Variants in AMZ2 observed in about 807,000 individuals in gnomAD.
The protein encoded by AMZ2 is archaelysin family metallopeptidase 2, also known as archaemetzincin-2.
In AMZ2, 26 loss-of-function variants were observed where a neutral mutation model predicts 36.7. That is an observed-to-expected ratio of 0.71 (90% CI 0.52 to 0.98). The LOEUF is 0.98. AMZ2 is among the 50% of genes least tolerant of loss of function. The probability of loss-of-function intolerance (pLI) is 0.00; values close to 1 mark genes in which losing one functional copy is unlikely to be tolerated. For synonymous variants in AMZ2, 144 were observed against 149.1 expected, an observed-to-expected ratio of 0.97 and a Z score of 0.25; for missense variants, 394 against 430.5, an observed-to-expected ratio of 0.92 and a Z score of 0.75.
intron 1 of AMZ2, among the ~76,000 whole-genome samples, chr17:68,208,763 CCACGAACCAACCAGGAG>C (rs1340348141): frequency 6.6e-6 from 1 of 152,174 alleles, no homozygotes; most frequent in African/African-American, 2.4e-5. Context: ...GCCAGCGAGA[CCACGAACCAACCAGGAG>C]GAACAAACAA....
intron 1 of AMZ2, among the ~76,000 whole-genome samples, chr17:68,209,221 T>G (rs1555725137): frequency 6.7e-6 from 1 of 150,212 alleles, no homozygotes. Context: ...TTTGATGGAG[T>G]CTTGCTCTGT....
At chr17:68,225,248 C>T (rs1198026842) in intron 1 of AMZ2, among the ~76,000 whole-genome samples, 6 of 152,050 alleles carry the variant, frequency 3.9e-5, no homozygotes, top group African/African-American at 1.5e-4. Flanking sequence ...TGTAGCATCA[C>T]CTTTGCCACC....
intron 1 of AMZ2, chr17:68,206,594 C>G (rs1414030826): frequency 2.0e-5 from 3 of 152,580 alleles, no homozygotes; most frequent in Non-Finnish European, 4.4e-5. Flanking sequence ...TTTCTTTCCC[C>G]TTGTTTTGGT....
At chr17:68,247,578 AAAG>A (rs782609861), upstream of AMZ2, 62 of 955,402 alleles carry the variant, frequency 6.5e-5, no homozygotes, top group Non-Finnish European at 7.6e-5. Context: ...CCCAACAAAT[AAAG>A]AAGGGAAAGT....
In AMZ2 at chr17:68,255,788, A is replaced by C; in HGVS notation, c.839A>C (p.Glu280Ala). 6.2e-7 allele frequency: 1 copy of C among 1,614,226 alleles called. No homozygotes were observed. The highest frequency in any genetic ancestry group is 8.5e-7 in the Non-Finnish European group (1 of 1,180,042). ...CLMQGSNHLE[E>A]ADRRPLNLCP... The stretch of plus-strand genomic sequence containing the variant: ...ATGCAAGGCTCCAACCACTTGGAAG[A>C]AGCTGACCGGCGCCCTCTAAACCTT... Residue 280 changes from glutamate (E) to alanine (A), a missense_variant, in exon 6 of 7, where the codon GAA becomes GCA. Coordinates refer to ENST00000359904, the MANE Select transcript of AMZ2 (RefSeq NM_016627.5).
intron 1 of AMZ2, among the ~76,000 whole-genome samples, chr17:68,238,984 T>C (rs1368836838): frequency 6.6e-6 from 1 of 152,140 alleles, no homozygotes; most frequent in Non-Finnish European, 1.5e-5. Flanking sequence ...CAAAAGATCA[T>C]TTGTAAGTTG....
chr17:68,223,190 A>G (rs1178552686), intron 1 of AMZ2, among the ~76,000 whole-genome samples: 4 of 152,222 alleles, frequency 2.6e-5, no homozygotes, highest in African/African-American at 7.2e-5. Flanking sequence ...ACTTTCCATC[A>G]TAAAAAGTCA....
chr17:68,232,018 A>G (rs1249620255), intron 1 of AMZ2, among the ~76,000 whole-genome samples: 1 of 150,866 alleles, frequency 6.6e-6, no homozygotes, highest in Non-Finnish European at 1.5e-5. Flanking sequence ...ACCAATGCAT[A>G]TGGATTAGAA....
At chr17:68,211,750 ATATG>A (rs1362376822) in intron 1 of AMZ2, among the ~76,000 whole-genome samples, 3 of 146,420 alleles carry the variant, frequency 2.0e-5, no homozygotes, top group Non-Finnish European at 4.5e-5. Flanking sequence ...GTATATGTAT[ATATG>A]TATATGTATA....
At chr17:68,216,627 A>G (rs2073201159) in intron 1 of AMZ2, among the ~76,000 whole-genome samples, 1 of 152,236 alleles carries the variant, frequency 6.6e-6, no homozygotes, top group Non-Finnish European at 1.5e-5. Flanking sequence ...TTTTCAAACC[A>G]TCTTCTTGAG....
chr17:68,227,528 G>A (rs757829250), intron 1 of AMZ2, among the ~76,000 whole-genome samples: 1 of 152,190 alleles, frequency 6.6e-6, no homozygotes. Flanking sequence ...CACTGGCTGC[G>A]GGCTCCAGGG....
At chr17:68,242,160 T>C (rs1285349933) in intron 1 of AMZ2, among the ~76,000 whole-genome samples, 1 of 151,960 alleles carries the variant, frequency 6.6e-6, no homozygotes, top group African/African-American at 2.4e-5. Flanking sequence ...TCAGAGACCA[T>C]AGAAAAATAG....
chr17:68,246,044 G>A (rs1431854465), upstream of AMZ2, among the ~76,000 whole-genome samples: 12 of 151,998 alleles, frequency 7.9e-5, no homozygotes, highest in African/African-American at 2.9e-4. Context: ...GGTGGCTCAC[G>A]CCTGTAATCC....
At chr17:68,217,048 A>G (rs1469994111) in intron 1 of AMZ2, among the ~76,000 whole-genome samples, 113 of 152,146 alleles carry the variant, frequency 7.4e-4, no homozygotes, top group Non-Finnish European at 1.1e-3. Flanking sequence ...AAAAAAAAAA[A>G]AAGTCTTTAA....
intron 1 of AMZ2, among the ~76,000 whole-genome samples, chr17:68,241,704 T>C (rs1260311508): frequency 6.6e-6 from 1 of 151,616 alleles, no homozygotes; most frequent in African/African-American, 2.4e-5. Flanking sequence ...TTCATACATA[T>C]AGTAATTTTA....
intron 1 of AMZ2, among the ~76,000 whole-genome samples, chr17:68,233,730 A>AT (rs35119985): frequency 3.5e-4 from 52 of 149,590 alleles, no homozygotes; most frequent in Non-Finnish European, 6.1e-4. Flanking sequence ...ATTTTTATTT[A>AT]TTTTTTTTTG....
chr17:68,251,621 C>G (rs1270793198), intron 4 of AMZ2, among the ~76,000 whole-genome samples: 1 of 151,928 alleles, frequency 6.6e-6, no homozygotes, highest in Non-Finnish European at 1.5e-5. Context: ...GAGCCATGAT[C>G]GAGCCACTGC....
intron 1 of AMZ2, among the ~76,000 whole-genome samples, chr17:68,226,440 TGC>T (rs2073519068): frequency 6.6e-6 from 1 of 152,154 alleles, no homozygotes; most frequent in Non-Finnish European, 1.5e-5. Context: ...CCCCAGCCCC[TGC>T]GTCTCTTTCT....
upstream of AMZ2, among the ~76,000 whole-genome samples, chr17:68,244,441 C>G (rs1336179655): frequency 6.6e-6 from 1 of 152,146 alleles, no homozygotes; most frequent in Non-Finnish European, 1.5e-5. Flanking sequence ...CATGCAACAC[C>G]ATGACCCACT....
Sources: gnomAD v4.1 joint callset for allele counts (sites outside exome capture counted in the v4.1 genomes callset) on GRCh38, gnomAD v4.1.1 for gene constraint, MANE v1.5 for transcripts, NCBI Gene and HGNC (gene_info 2026-07-23, HGNC 2026-07-21) for gene names.